Variants in PGAP4 observed in about 807,000 individuals in gnomAD.
PGAP4 encodes post-GPI attachment to proteins GalNAc transferase 4, also known as GPI-N-acetylgalactosamine transferase PGAP4.
PGAP4 carries 12 observed loss-of-function variants against 28.2 expected under a neutral mutation model. The ratio of observed to expected loss-of-function variants is 0.42; its 90% CI spans 0.27 to 0.69. PGAP4 has a LOEUF of 0.69. PGAP4 is among the 30% of genes least tolerant of loss of function. The pLI, the probability that PGAP4 is intolerant of heterozygous loss-of-function variation, is 0.22. For synonymous variants in PGAP4, 205 were observed against 211.8 expected (o/e 0.97, Z 0.28); for missense variants, 425 against 513.5 (o/e 0.83, Z 1.67).
chr9:101,533,632 T>A (rs371849454), upstream of PGAP4: 4 of 152,178 alleles, frequency 2.6e-5, no homozygotes, highest in African/African-American at 9.7e-5. Context: ...AGCCAAGGGC[T>A]CTCCGTCAGG....
chr9:101,517,761 C>T (rs1300457280), intron 2 of PGAP4, among the ~76,000 whole-genome samples: 3 of 151,972 alleles, frequency 2.0e-5, no homozygotes, highest in African/African-American at 7.3e-5. Context: ...TGTATGTTTC[C>T]CAGGATTTGT....
chr9:101,503,381 A>T (rs1190925212), intron 2 of PGAP4, among the ~76,000 whole-genome samples: 1 of 151,948 alleles, frequency 6.6e-6, no homozygotes, highest in African/African-American at 2.4e-5. Flanking sequence ...ACTTTGTCTT[A>T]TTATATGCTA....
intron 2 of PGAP4, among the ~76,000 whole-genome samples, chr9:101,517,067 TTGCTGTTAGAGTC>T (rs1310325958): frequency 1.2e-4 from 18 of 152,324 alleles, no homozygotes; most frequent in African/African-American, 3.1e-4. Flanking sequence ...AATTGAACCA[TTGCTGTTAGAGTC>T]TGCTGTTATT....
chr9:101,473,838 C>T lies in PGAP4; in HGVS notation c.*2043G>A. On this transcript the variant is annotated 3_prime_UTR_variant, in exon 2 of 2. Coordinates refer to ENST00000374848, the MANE Select transcript of PGAP4 (RefSeq NM_032342.3). Reference sequence around the variant, plus strand: ...AGTTGGAGAGAGCTCAGTTCTAAAGCTTGGGGGTAGACAGGTCACTGAGAG... The same window carrying T: ...AGTTGGAGAGAGCTCAGTTCTAAAGTTTGGGGGTAGACAGGTCACTGAGAG... 6.6e-6 allele frequency: 1 copy of T among 151,972 alleles called. No homozygotes were observed. The allele number at this position is 151,972 out of a possible 1,614,324, so 9.4% of individuals were successfully genotyped here.
rs78805178 is a variant in PGAP4, at chr9:101,494,112, G to C, written c.-164-4912C>G. ...TTTATTTATAGTCTTAAGTTCTTGA[G>C]CCTGACAGGAAGTGACAATTTTTAT... On this transcript the variant is annotated intron_variant, in intron 2 of 3. Transcript: ENST00000374851. 2.1e-3 allele frequency among the ~76,000 whole-genome samples: 319 copies of C among 152,106 alleles called. 2 individuals are homozygous for C. Among genetic ancestry groups the C allele is most frequent in the African/African-American group, 7.3e-3 (304 of 41,540 alleles).
chr9:101,527,752 T>A (rs1827048042), intron 2 of PGAP4, among the ~76,000 whole-genome samples: 1 of 152,224 alleles, frequency 6.6e-6, no homozygotes, highest in South Asian at 2.1e-4. Flanking sequence ...AAATTAAATA[T>A]AAACAAGGCT....
chr9:101,531,851 A>G (rs1406013605), intron 1 of PGAP4, among the ~76,000 whole-genome samples: 1 of 152,268 alleles, frequency 6.6e-6, no homozygotes, highest in Non-Finnish European at 1.5e-5. Context: ...ATTTATCACA[A>G]TGTAACACAC....
chr9:101,530,027 A>T (rs146690871), intron 2 of PGAP4, among the ~76,000 whole-genome samples: 1 of 152,372 alleles, frequency 6.6e-6, no homozygotes, highest in East Asian at 1.9e-4. Context: ...TATGTCTGGC[A>T]TACAATCCAA....
At chr9:101,529,491 G>A (rs903158200) in intron 2 of PGAP4, among the ~76,000 whole-genome samples, 1 of 152,056 alleles carries the variant, frequency 6.6e-6, no homozygotes, top group Admixed American at 6.6e-5. Context: ...AAACTAAATG[G>A]GGCTCCTCTG....
Position 101,476,165 on chromosome 9 carries a change from GACCC to G in PGAP4, c.924_927del (p.Arg310ThrfsTer9). The G allele has an allele frequency of 6.2e-7, 1 of 1,614,084 alleles. No individual in the cohort carries two copies. ...CGCCGCAGTTCCAGGAAATAGTGCCGACCCACCAGCTCCACCAGACCCATGCTAT... is the reference window on the plus strand; with the variant it reads ...CGCCGCAGTTCCAGGAAATAGTGCCGACCAGCTCCACCAGACCCATGCTAT... On this transcript the variant is annotated frameshift_variant, in exon 2 of 2. Transcript: ENST00000374848. LOFTEE classifies it high-confidence loss of function. The surrounding 1 kb of genome is among the most constrained non-coding windows in gnomAD (Gnocchi z 7.0).
At chr9:101,481,921 C>A (rs573688910) in intron 1 of PGAP4, among the ~76,000 whole-genome samples, 1 of 152,098 alleles carries the variant, frequency 6.6e-6, no homozygotes, top group Non-Finnish European at 1.5e-5. Flanking sequence ...CTTTTCCCCT[C>A]GCCTTCCCCT....
chr9:101,502,699 GCTCTGGT>G (rs1826814388), intron 2 of PGAP4, among the ~76,000 whole-genome samples: 1 of 152,022 alleles, frequency 6.6e-6, no homozygotes. Context: ...GATGTCCCTT[GCTCTGGT>G]CTCTGTGCTA....
chr9:101,489,422 G>A (rs369559373), upstream of PGAP4, among the ~76,000 whole-genome samples: 1 of 152,052 alleles, frequency 6.6e-6, no homozygotes, highest in East Asian at 1.9e-4. Context: ...AAACCAATAA[G>A]GCATAGTGCA....
chr9:101,516,565 C>G (rs1262217608), intron 2 of PGAP4, among the ~76,000 whole-genome samples: 1 of 152,100 alleles, frequency 6.6e-6, no homozygotes, highest in Admixed American at 6.6e-5. Flanking sequence ...TGATAAGTGG[C>G]TTTCTGTTAA....
Position 101,523,619 on chromosome 9 carries a change from C to CTTTTTTTTTTTTTTTTTTTTT in PGAP4, c.-165+7708_-165+7728dup, listed in dbSNP as rs71356369. Among the ~76,000 whole-genome samples, 89 of 59,338 alleles carry CTTTTTTTTTTTTTTTTTTTTT rather than the reference C, an allele frequency of 1.5e-3. 15 individuals are homozygous for CTTTTTTTTTTTTTTTTTTTTT. The highest frequency in any genetic ancestry group is 2.3e-3 in the African/African-American group (32 of 14,124). The allele number at this position is 59,338 out of a possible 152,430, so 38.9% of individuals were successfully genotyped here. A position where few individuals can be genotyped will look rare whatever the true frequency, so the allele number is the denominator to read the frequency against. ...ACATTTCTCCCCTCACTTCTTGTAT[C>CTTTTTTTTTTTTTTTTTTTTT]TTTTTTTTTTTTTTTTTTTTTTTTT... On this transcript the variant is annotated intron_variant, in intron 2 of 3. Transcript: ENST00000374851.
intron 1 of PGAP4, among the ~76,000 whole-genome samples, 198 bp from the exon 2 acceptor site, chr9:101,477,367 T>TG (rs76879545): frequency 1 from 152,089 of 152,090 alleles, 76,044 homozygotes; most frequent in Non-Finnish European, 1. Context: ...TAACAACCTC[T>TG]GGATGTTTTT....
chr9:101,496,500 T>G (rs1444040745), intron 2 of PGAP4, among the ~76,000 whole-genome samples: 1 of 151,530 alleles, frequency 6.6e-6, no homozygotes, highest in Admixed American at 6.6e-5. Flanking sequence ...AAGACCATAA[T>G]TTTTAGTTTT....
rs549802585 is a variant in PGAP4 at position 101,482,683 on chromosome 9, A to G, written c.-78+4266T>C. On this transcript the variant is annotated intron_variant, in intron 1 of 1. Coordinates refer to ENST00000374848, the MANE Select transcript of PGAP4 (RefSeq NM_032342.3). ...TCCCAGCTGCATTTTTGCTCCTCACACTGTCTAACTCAACCATCAAGAATT... is the reference window on the plus strand; with the variant it reads ...TCCCAGCTGCATTTTTGCTCCTCACGCTGTCTAACTCAACCATCAAGAATT... 4.5e-4 allele frequency among the ~76,000 whole-genome samples: 69 copies of G among 152,202 alleles called. 1 individual carries two copies. In the South Asian group the frequency reaches 7.7e-3, roughly 17 times the overall value.
chr9:101,499,224 C>T (rs1826777025), intron 2 of PGAP4, among the ~76,000 whole-genome samples: 3 of 151,998 alleles, frequency 2.0e-5, no homozygotes, highest in South Asian at 2.1e-4. Context: ...AAGCCCCTGT[C>T]GAAAGGAGAG....
Sources: gnomAD v4.1 joint callset for allele counts (sites outside exome capture counted in the v4.1 genomes callset) on GRCh38, gnomAD v4.1.1 for gene constraint, Gnocchi (gnomAD v3.1) non-coding constraint, MANE v1.5 for transcripts, NCBI Gene and HGNC (gene_info 2026-07-23, HGNC 2026-07-21) for gene names.